Variants in CRB1 observed in about 807,000 individuals in gnomAD.
CRB1 encodes the protein protein crumbs homolog 1.
In CRB1, 83 loss-of-function variants were observed where a neutral mutation model predicts 120.0. That is an observed-to-expected ratio of 0.69 (90% CI 0.58 to 0.83). The LOEUF (loss-of-function observed/expected upper bound fraction) is 0.83, where lower values mean the gene tolerates loss of function less well. Among genes scored for constraint, CRB1 ranks in the 40% least tolerant of loss-of-function variants. The pLI is 0.00. For missense variants in CRB1, 1,699 were observed against 1,687.6 expected (o/e 1.01, Z -0.12); for synonymous variants, 625 against 612.5 (o/e 1.02, Z -0.30).
At chr1:197,309,605 T>C (rs1372302825) in intron 1 of CRB1, among the ~76,000 whole-genome samples, 1 of 151,760 alleles carries the variant, frequency 6.6e-6, no homozygotes, top group Non-Finnish European at 1.5e-5. Flanking sequence ...ATACAAAAAA[T>C]TAGCTGGGCG....
chr1:197,360,993 C>A (rs1249940978), intron 5 of CRB1, among the ~76,000 whole-genome samples: 1 of 152,162 alleles, frequency 6.6e-6, no homozygotes, highest in Non-Finnish European at 1.5e-5. Context: ...TGGTCAGATG[C>A]ATTTTCTGCA....
At chr1:197,296,255 A>G (rs1656512436) in intron 1 of CRB1, among the ~76,000 whole-genome samples, 1 of 151,974 alleles carries the variant, frequency 6.6e-6, no homozygotes, top group Admixed American at 6.6e-5. Flanking sequence ...TCCACTACTT[A>G]CCAGATGTTT....
Position 197,268,268 on chromosome 1 carries a change from G to A in CRB1, c.-145G>A. 1 of 724,216 alleles carries A rather than the reference G, an allele frequency of 1.4e-6. No homozygotes were observed. The highest frequency in any genetic ancestry group is 1.9e-5 in the Admixed American group (1 of 51,602). 44.9% of individuals were successfully genotyped at this position (724,216 alleles called of 1,614,324 possible). A position where few individuals can be genotyped will look rare whatever the true frequency, so the allele number is the denominator to read the frequency against. ...TTGAATCTAAGTCCCTGTATTTTCT[G>A]TGAAGGAGCTGTAAGTAGGGTGGGA... is the stretch of plus-strand genomic sequence containing the variant. On this transcript the variant is annotated 5_prime_UTR_variant, in exon 1 of 12. The change creates a new upstream start codon in the 5' untranslated region. Transcript: ENST00000367400.
chr1:197,375,559 A>G (rs991803285), intron 5 of CRB1, among the ~76,000 whole-genome samples: 7 of 152,090 alleles, frequency 4.6e-5, no homozygotes, highest in Non-Finnish European at 7.3e-5. Flanking sequence ...CTCAGTGCCC[A>G]TGGTATATGG....
At position 197,327,120 on chromosome 1, in the gene CRB1, A is replaced by ACAAC. The variant is rs149250421; in HGVS notation, c.71-1302_71-1301insCAAC. On this transcript the variant is annotated intron_variant, in intron 1 of 11. Transcript: ENST00000367400. Reference sequence around the variant, plus strand: ...AAAAAAAAAAAAAAAAAAAAAAAAAAAAAAAAAAAAAACAGAAACCAAGGC... The same window carrying ACAAC: ...AAAAAAAAAAAAAAAAAAAAAAAAAACAACAAAAAAAAAAAACAGAAACCAAGGC... Among the ~76,000 whole-genome samples, 24 of 71,034 alleles carry ACAAC rather than the reference A, an allele frequency of 3.4e-4. 1 individual carries two copies. In the Admixed American group the frequency reaches 3.6e-3, roughly 11 times the overall value. 46.6% of individuals were successfully genotyped at this position (71,034 alleles called of 152,430 possible). A position where few individuals can be genotyped will look rare whatever the true frequency, so the allele number is the denominator to read the frequency against.
At chr1:197,226,693 G>C in the CRB1 span, among the ~76,000 whole-genome samples, 1 of 152,100 alleles carries the variant, frequency 6.6e-6, no homozygotes, top group Non-Finnish European at 1.5e-5. Flanking sequence ...CTCACACCAA[G>C]GAAGGCCATG....
At chr1:197,311,241 A>G (rs1657499619) in intron 1 of CRB1, among the ~76,000 whole-genome samples, 1 of 152,246 alleles carries the variant, frequency 6.6e-6, no homozygotes, top group South Asian at 2.1e-4. Flanking sequence ...CTGTGACAAC[A>G]TGGATGAACC....
intron 4 of CRB1, 51 bp from the exon 5 acceptor site, chr1:197,356,780 T>C: frequency 1.9e-6 from 3 of 1,595,606 alleles, no homozygotes; most frequent in Non-Finnish European, 2.6e-6. Flanking sequence ...GCAAATGCTC[T>C]ATAATTCAAC....
At chr1:197,354,584 G>C (rs1660325798) in intron 4 of CRB1, among the ~76,000 whole-genome samples, 1 of 152,080 alleles carries the variant, frequency 6.6e-6, no homozygotes, top group African/African-American at 2.4e-5. Context: ...CGCGTCTGGA[G>C]AGTTGTTTAT....
At chr1:197,243,368 G>GTA in the CRB1 span, among the ~76,000 whole-genome samples, 1 of 152,084 alleles carries the variant, frequency 6.6e-6, no homozygotes, top group Non-Finnish European at 1.5e-5. Context: ...AGAGATTCTG[G>GTA]TATGTTGTGT....
chr1:197,395,899 G>A (rs952926359), intron 5 of CRB1, among the ~76,000 whole-genome samples: 1 of 152,118 alleles, frequency 6.6e-6, no homozygotes, highest in Non-Finnish European at 1.5e-5. Flanking sequence ...TAGTAATGGT[G>A]AAAGACTGAA....
At chr1:197,248,363 C>T in the CRB1 span, among the ~76,000 whole-genome samples, 1 of 151,948 alleles carries the variant, frequency 6.6e-6, no homozygotes, top group Non-Finnish European at 1.5e-5. Context: ...CTTTTAATTG[C>T]TTACCAGTTA....
chr1:197,224,075 A>G, the CRB1 span, among the ~76,000 whole-genome samples: 3 of 152,124 alleles, frequency 2.0e-5, no homozygotes, highest in Admixed American at 2.0e-4. Context: ...ACTCATGTCT[A>G]TAAAGACTGA....
rs529621826 is a variant in CRB1 at position 197,382,682 on chromosome 1, A to G, written c.1171+25669A>G. On this transcript the variant is annotated intron_variant, in intron 5 of 11. Transcript: ENST00000367400. The stretch of plus-strand genomic sequence containing the variant: ...CAAAGTAAAATTGTCATAGAAAAAA[A>G]TCAGACACATATAGGTATCCAGATG... Among the ~76,000 whole-genome samples the G allele has an allele frequency of 2.1e-4, 32 of 152,330 alleles. No homozygotes were observed. The South Asian group carries it at 6.2e-3, about 30-fold the overall frequency.
chr1:197,340,593 A>G (rs531558730), intron 2 of CRB1, among the ~76,000 whole-genome samples: 1 of 152,294 alleles, frequency 6.6e-6, no homozygotes, highest in South Asian at 2.1e-4. Flanking sequence ...GGTCACAGCA[A>G]TAAGGATGGC....
At chr1:197,257,749 C>A in the CRB1 span, among the ~76,000 whole-genome samples, 1 of 152,124 alleles carries the variant, frequency 6.6e-6, no homozygotes, top group African/African-American at 2.4e-5. Context: ...CATAACTGTC[C>A]TCATTAGTTG....
At chr1:197,241,739 G>A in the CRB1 span, among the ~76,000 whole-genome samples, 1 of 151,054 alleles carries the variant, frequency 6.6e-6, no homozygotes, top group African/African-American at 2.4e-5. Flanking sequence ...CAAAGTCAAC[G>A]GTAGCTTGAT....
intron 1 of CRB1, among the ~76,000 whole-genome samples, chr1:197,322,616 C>T (rs916235477): frequency 6.6e-6 from 1 of 152,070 alleles, no homozygotes; most frequent in Non-Finnish European, 1.5e-5. Context: ...CCATATGTAG[C>T]TCACATTATA....
chr1:197,343,367 A>G (rs1659580343), intron 2 of CRB1, among the ~76,000 whole-genome samples: 1 of 152,184 alleles, frequency 6.6e-6, no homozygotes, highest in African/African-American at 2.4e-5. Context: ...ATCAAATACT[A>G]TTTTGGCACT....
Sources: gnomAD v4.1 joint callset for allele counts (sites outside exome capture counted in the v4.1 genomes callset) on GRCh38, gnomAD v4.1.1 for gene constraint, MANE v1.5 for transcripts, NCBI Gene and HGNC (gene_info 2026-07-23, HGNC 2026-07-21) for gene names.